Variants in TRPC6 observed in about 807,000 individuals in gnomAD.
TRPC6 encodes transient receptor potential cation channel subfamily C member 6.
A neutral mutation model predicts 90.7 loss-of-function variants in TRPC6; 55 were observed. That is an observed-to-expected ratio of 0.61 (90% CI 0.49 to 0.76). The LOEUF (loss-of-function observed/expected upper bound fraction) is 0.76. Ranked by LOEUF, TRPC6 falls within the 30% of genes least tolerant of loss-of-function variation. TRPC6 has a pLI of 0.00. For synonymous variants in TRPC6, 393 were observed against 393.0 expected, an observed-to-expected ratio of 1.00 and a Z score of 0.00; for missense variants, 989 against 1,122.7, an observed-to-expected ratio of 0.88 and a Z score of 1.70.
intron 5 of TRPC6, among the ~76,000 whole-genome samples, chr11:101,478,491 A>C (rs1261870181): frequency 5.0e-5 from 6 of 120,606 alleles, no homozygotes; most frequent in African/African-American, 2.3e-4. Context: ...CCACTTTTCC[A>C]TTTTCTTTTC....
chr11:101,512,170 G>C (rs749413436), intron 1 of TRPC6, among the ~76,000 whole-genome samples: 3 of 152,062 alleles, frequency 2.0e-5, no homozygotes, highest in Non-Finnish European at 4.4e-5. Context: ...GATTCAATTA[G>C]TTTCAATTCT....
At chr11:101,560,109 T>C (rs12796792) in intron 1 of TRPC6, among the ~76,000 whole-genome samples, 2 of 152,166 alleles carry the variant, frequency 1.3e-5, no homozygotes, top group Non-Finnish European at 2.9e-5. Flanking sequence ...TTCATTATGG[T>C]GGCATATGAG....
intron 10 of TRPC6, among the ~76,000 whole-genome samples, chr11:101,457,006 A>T (rs1014734586): frequency 6.6e-6 from 1 of 152,198 alleles, no homozygotes; most frequent in African/African-American, 2.4e-5. Flanking sequence ...TGGTGGCAGA[A>T]AATCCTAATA....
chr11:101,566,302 T>A (rs544087143), intron 1 of TRPC6, among the ~76,000 whole-genome samples: 1 of 152,358 alleles, frequency 6.6e-6, no homozygotes, highest in South Asian at 2.1e-4. Flanking sequence ...TAAGTTGGAT[T>A]TCTTCATTTC....
chr11:101,462,326 G>GT (rs1445702734), intron 10 of TRPC6, among the ~76,000 whole-genome samples: 1 of 152,148 alleles, frequency 6.6e-6, no homozygotes, highest in Admixed American at 6.6e-5. Context: ...GTTTAAAGTA[G>GT]TTTTTTCCAA....
intron 1 of TRPC6, among the ~76,000 whole-genome samples, chr11:101,558,893 A>G (rs1273388416): frequency 6.6e-6 from 1 of 152,182 alleles, no homozygotes; most frequent in Non-Finnish European, 1.5e-5. Context: ...AGATTTAAAC[A>G]TAAGATCAAA....
intron 1 of TRPC6, among the ~76,000 whole-genome samples, chr11:101,575,266 G>A (rs1862047773): frequency 6.6e-6 from 1 of 152,144 alleles, no homozygotes; most frequent in Non-Finnish European, 1.5e-5. Context: ...TCAGTTTGTG[G>A]ATCTTTGGTA....
At position 101,554,844 on chromosome 11, in the gene TRPC6, C is replaced by A. The variant is rs1047036918; in HGVS notation, c.170+28490G>T. Among the ~76,000 whole-genome samples the A allele has an allele frequency of 2.6e-5, 4 of 152,152 alleles. 1 individual carries two copies. Among genetic ancestry groups the A allele is most frequent in the African/African-American group, 9.7e-5 (4 of 41,440 alleles). The stretch of plus-strand genomic sequence containing the variant: ...CCTTAATCAATCCCAGCCCTATTTC[C>A]TTGCCCTAGCTTGTCCTCCCACTGG... On this transcript the variant is annotated intron_variant, in intron 1 of 12. Coordinates refer to ENST00000344327, the MANE Select transcript of TRPC6 (RefSeq NM_004621.6).
At chr11:101,571,915 C>A (rs886274439) in intron 1 of TRPC6, among the ~76,000 whole-genome samples, 10 of 152,264 alleles carry the variant, frequency 6.6e-5, no homozygotes, top group Middle Eastern at 3.4e-3. Flanking sequence ...ACCATAAAAA[C>A]CCTAGAAGAA....
chr11:101,566,106 A>G (rs1861823680), intron 1 of TRPC6, among the ~76,000 whole-genome samples: 1 of 151,940 alleles, frequency 6.6e-6, no homozygotes, highest in Admixed American at 6.6e-5. Flanking sequence ...TATATGGGGT[A>G]TATTGTAATC....
chr11:101,561,954 G>T (rs185916485), intron 1 of TRPC6, among the ~76,000 whole-genome samples: 36 of 151,962 alleles, frequency 2.4e-4, no homozygotes, highest in African/African-American at 8.0e-4. Flanking sequence ...TTAAGAGTTT[G>T]GTTCTTTAGT....
At chr11:101,472,003 G>C (rs1859303292) in intron 8 of TRPC6, 134 bp downstream of exon 8, 4 of 908,674 alleles carry the variant, frequency 4.4e-6, no homozygotes, top group Non-Finnish European at 6.9e-6. Context: ...CAGATTACTG[G>C]TCAAACGAGT....
intron 6 of TRPC6, among the ~76,000 whole-genome samples, chr11:101,474,932 G>A (rs1412948207): frequency 6.6e-6 from 1 of 152,104 alleles, no homozygotes; most frequent in African/African-American, 2.4e-5. Flanking sequence ...TCTCTCTTGG[G>A]AATTCTCCTC....
intron 1 of TRPC6, among the ~76,000 whole-genome samples, chr11:101,509,700 A>G (rs893740786): frequency 6.6e-6 from 1 of 152,144 alleles, no homozygotes; most frequent in African/African-American, 2.4e-5. Flanking sequence ...AAGGAACAGC[A>G]AAGATATTTC....
chr11:101,583,385 T>C lies in TRPC6; in HGVS notation c.119A>G (p.Glu40Gly). Reference sequence around the variant, plus strand: ...CAGCGGGGCTTGCGGGCAGCCGTCTTCTCCCAGCTCCGAGTCCATGAGCAG... The same window carrying C: ...CAGCGGGGCTTGCGGGCAGCCGTCTCCTCCCAGCTCCGAGTCCATGAGCAG... ...DYLLMDSELG[E>G]DGCPQAPLPC... Residue 40 changes from glutamate (E) to glycine (G), a missense_variant, in exon 1 of 13, where the codon GAA (glutamate) becomes GGA (glycine). Around this residue, in one of 4 missense-constraint regions of TRPC6, gnomAD observed 194 missense variants for 136.5 expected, o/e 1.42. Transcript: ENST00000344327. 6.9e-6 allele frequency: 11 copies of C among 1,592,728 alleles called. No individual in the cohort carries two copies. Among genetic ancestry groups the C allele is most frequent in the South Asian group, 2.3e-5 (2 of 88,078 alleles).
rs200107149 is a variant in TRPC6, at chr11:101,473,771, T to G, written c.1747A>C (p.Arg583=). 1.2e-6 allele frequency: 2 copies of G among 1,613,508 alleles called. No homozygotes were observed. The highest frequency in any genetic ancestry group is 1.7e-6 in the Non-Finnish European group (2 of 1,179,668). ...GGATCAGAGGGGTCCCACTTTATCC[T>G]GGCTAGGAAAAAGCAAAGACAAAGA... ...GDNVKYYNLA[R]IKWDPSDPQI... The change falls in exon 7 of 13, where the codon AGG becomes CGG. Residue 583 remains arginine, a splice_region_variant and synonymous_variant. Coordinates refer to ENST00000344327, the MANE Select transcript of TRPC6 (RefSeq NM_004621.6).
intron 1 of TRPC6, among the ~76,000 whole-genome samples, chr11:101,558,219 A>C (rs1002657889): frequency 9.2e-6 from 1 of 109,028 alleles, no homozygotes; most frequent in Non-Finnish European, 1.9e-5. Flanking sequence ...ACATGTATAT[A>C]TGTATACATG....
intron 3 of TRPC6, chr11:101,491,305 G>A (rs903193832): frequency 2.7e-5 from 10 of 367,814 alleles, no homozygotes; most frequent in South Asian, 2.3e-4. Flanking sequence ...GTGGTGGTGG[G>A]CGCCTGTAGT....
At position 101,458,673 on chromosome 11, in the gene TRPC6, CAGTGACCTTTAG is replaced by C. The variant is rs148160682; in HGVS notation, c.2485-3584_2485-3573del. On this transcript the variant is annotated intron_variant, in intron 10 of 12. Transcript: ENST00000344327. ...AAAGCTAATGCTAGCAACCACCAGT[CAGTGACCTTTAG>C]AGTTAAAGGATACGGTCAGAGATAA... Among the ~76,000 whole-genome samples, 416 of 152,314 alleles carry C rather than the reference CAGTGACCTTTAG, an allele frequency of 2.7e-3. 14 individuals carry two copies. In the East Asian group the frequency reaches 0.056, roughly 20 times the overall value.
Sources: gnomAD v4.1 joint callset for allele counts (sites outside exome capture counted in the v4.1 genomes callset) on GRCh38, gnomAD v4.1.1 for gene constraint, gnomAD v4.1.1 regional missense constraint, MANE v1.5 for transcripts, NCBI Gene and HGNC (gene_info 2026-07-23, HGNC 2026-07-21) for gene names.